RFX3: variants seen among roughly 807,000 people sequenced by gnomAD.
The protein encoded by RFX3 is regulatory factor X3.
In RFX3, 14 loss-of-function variants were observed where a neutral mutation model predicts 98.6. The observed-to-expected ratio is 0.14, with a 90% CI of 0.09 to 0.22. The LOEUF (loss-of-function observed/expected upper bound fraction) is 0.22, where lower values mean the gene tolerates loss of function less well. RFX3 is among the 10% of genes least tolerant of loss of function. RFX3 has a pLI of 1.00. For synonymous variants in RFX3, 383 were observed against 328.4 expected, an observed-to-expected ratio of 1.17 and a Z score of -1.80; for missense variants, 639 against 926.9, an observed-to-expected ratio of 0.69 and a Z score of 4.03.
chr9:3,228,140 A>T (rs1004708652), intron 16 of RFX3, among the ~76,000 whole-genome samples: 4 of 152,174 alleles, frequency 2.6e-5, no homozygotes, highest in African/African-American at 4.8e-5. Flanking sequence ...GTTTTTAAAA[A>T]TTGCACTGGT....
At chr9:3,253,983 T>C (rs1466939830) in intron 14 of RFX3, among the ~76,000 whole-genome samples, 1 of 152,094 alleles carries the variant, frequency 6.6e-6, no homozygotes, top group Non-Finnish European at 1.5e-5. Flanking sequence ...CAGCAGGAGG[T>C]ATGCATCTGT....
intron 15 of RFX3, among the ~76,000 whole-genome samples, chr9:3,243,904 G>A (rs373782185): frequency 1.3e-5 from 2 of 152,142 alleles, no homozygotes; most frequent in African/African-American, 4.8e-5. Context: ...GCCAGACTGC[G>A]TGGTTTCAGA....
intron 2 of RFX3, among the ~76,000 whole-genome samples, chr9:3,352,987 C>T (rs1333241785): frequency 6.6e-6 from 1 of 151,832 alleles, no homozygotes; most frequent in Non-Finnish European, 1.5e-5. Flanking sequence ...GAAAATGTGG[C>T]ACATATACAC....
intron 1 of RFX3, among the ~76,000 whole-genome samples, chr9:3,507,741 A>C (rs1295512087): frequency 6.6e-6 from 1 of 151,966 alleles, no homozygotes; most frequent in East Asian, 1.9e-4. Flanking sequence ...TATAATTCCT[A>C]ATACAATGTA....
Position 3,222,288 on chromosome 9 carries a change from A to T in RFX3, c.*2754T>A, listed in dbSNP as rs941936530. The stretch of plus-strand genomic sequence containing the variant: ...CAAAGAATATTCCTAATATTCATAA[A>T]GGAGATCAGAATATTTTTATTGAGT... On this transcript the variant is annotated 3_prime_UTR_variant, in exon 17 of 17. Transcript: ENST00000617270. 6.6e-6 allele frequency: 1 copy of T among 152,164 alleles called. No homozygotes were observed. The highest frequency in any genetic ancestry group is 2.4e-5 in the African/African-American group (1 of 41,460). The allele number at this position is 152,164 out of a possible 1,614,324, so 9.4% of individuals were successfully genotyped here.
At chr9:3,309,161 C>T (rs1244232804) in intron 4 of RFX3, among the ~76,000 whole-genome samples, 1 of 152,104 alleles carries the variant, frequency 6.6e-6, no homozygotes, top group Non-Finnish European at 1.5e-5. Context: ...GCCAAGCATG[C>T]ATATTTTGTG....
At chr9:3,446,717 G>A (rs970634348) in intron 1 of RFX3, among the ~76,000 whole-genome samples, 1 of 151,684 alleles carries the variant, frequency 6.6e-6, no homozygotes, top group African/African-American at 2.4e-5. Context: ...TGTTTGATTA[G>A]TTTCCTAAAA....
chr9:3,353,353 T>A (rs1835383744), intron 2 of RFX3, among the ~76,000 whole-genome samples: 1 of 151,866 alleles, frequency 6.6e-6, no homozygotes, highest in African/African-American at 2.4e-5. Flanking sequence ...ATAATAATAC[T>A]AAAATAAAAT....
chr9:3,401,207 C>A (rs1275621074), intron 1 of RFX3, among the ~76,000 whole-genome samples: 1 of 152,134 alleles, frequency 6.6e-6, no homozygotes, highest in Non-Finnish European at 1.5e-5. Context: ...ATTCTGAAGA[C>A]CTGATAAAAA....
chr9:3,426,232 C>G (rs577941915), intron 1 of RFX3, among the ~76,000 whole-genome samples: 1 of 151,560 alleles, frequency 6.6e-6, no homozygotes, highest in East Asian at 1.9e-4. Flanking sequence ...TTTTAACTGA[C>G]GTATTCATGA....
At chr9:3,520,118 A>G (rs1223408280) in intron 1 of RFX3, among the ~76,000 whole-genome samples, 3 of 152,172 alleles carry the variant, frequency 2.0e-5, no homozygotes, top group Non-Finnish European at 4.4e-5. Context: ...TCAAAAAAGG[A>G]AAAATCTTAG....
chr9:3,467,988 T>G (rs866352073), intron 1 of RFX3, among the ~76,000 whole-genome samples: 2 of 152,156 alleles, frequency 1.3e-5, no homozygotes, highest in East Asian at 3.9e-4. Flanking sequence ...GCCAGAATAT[T>G]TTTTGAGTAC....
intron 2 of RFX3, among the ~76,000 whole-genome samples, chr9:3,371,338 T>C (rs1459955823): frequency 1.3e-5 from 2 of 152,190 alleles, no homozygotes; most frequent in South Asian, 4.1e-4. Context: ...CACAATTAAT[T>C]CTTACTCTTT....
intron 1 of RFX3, among the ~76,000 whole-genome samples, chr9:3,493,279 TGA>T (rs1850852763): frequency 6.6e-6 from 1 of 152,148 alleles, no homozygotes; most frequent in African/African-American, 2.4e-5. Context: ...TTCAGATGAT[TGA>T]GAGAGGTTCC....
chr9:3,249,651 A>C (rs1286775429), intron 14 of RFX3, among the ~76,000 whole-genome samples: 1 of 152,116 alleles, frequency 6.6e-6, no homozygotes, highest in Non-Finnish European at 1.5e-5. Flanking sequence ...AATTCTGTGG[A>C]TCTATTTACT....
At chr9:3,318,206 G>T (rs985020029) in intron 4 of RFX3, among the ~76,000 whole-genome samples, 1 of 152,162 alleles carries the variant, frequency 6.6e-6, no homozygotes, top group Admixed American at 6.5e-5. Flanking sequence ...AAAAGGATGA[G>T]TTCATGTCCT....
At chr9:3,239,000 G>GAA (rs571555250) in intron 15 of RFX3, among the ~76,000 whole-genome samples, 3 of 103,874 alleles carry the variant, frequency 2.9e-5, no homozygotes, top group Non-Finnish European at 6.4e-5. Context: ...CCATCTCAAA[G>GAA]AAAAAAAAAA....
intron 16 of RFX3, among the ~76,000 whole-genome samples, chr9:3,225,874 G>A (rs1385572713): frequency 2.0e-5 from 3 of 152,148 alleles, no homozygotes; most frequent in Admixed American, 6.6e-5. Context: ...GGTTGAGGCA[G>A]TAGTATCAGA....
chr9:3,286,010 C>T (rs868578600), intron 7 of RFX3, among the ~76,000 whole-genome samples: 84 of 151,868 alleles, frequency 5.5e-4, no homozygotes, highest in African/African-American at 2.0e-3. Context: ...TGCTAGAATT[C>T]CTGGCAGTTA....
Sources: gnomAD v4.1 joint callset for allele counts (sites outside exome capture counted in the v4.1 genomes callset) on GRCh38, gnomAD v4.1.1 for gene constraint, MANE v1.5 for transcripts, NCBI Gene and HGNC (gene_info 2026-07-23, HGNC 2026-07-21) for gene names.